Variants in CHN1 observed in about 807,000 individuals in gnomAD.
The protein encoded by CHN1 is chimerin 1, also known as N-chimaerin.
Under a neutral mutation model 59.5 loss-of-function variants are expected in CHN1, and 37 were observed. The ratio of observed to expected loss-of-function variants is 0.62; its 90% CI spans 0.48 to 0.82. CHN1 has a LOEUF of 0.82. Ranked by LOEUF, CHN1 falls within the 40% of genes least tolerant of loss-of-function variation. The pLI, the probability that CHN1 is intolerant of heterozygous loss-of-function variation, is 0.00. For synonymous variants in CHN1, 206 were observed against 200.4 expected (o/e 1.03, Z -0.24); for missense variants, 469 against 571.0 (o/e 0.82, Z 1.82).
At chr2:174,840,188 A>AGAT (rs1686246261) in intron 7 of CHN1, among the ~76,000 whole-genome samples, 1 of 33,628 alleles carries the variant, frequency 3.0e-5, no homozygotes, top group Non-Finnish European at 6.8e-5. Context: ...TTTTTTTTTG[A>AGAT]GATGGGGTCC....
chr2:174,934,608 G>A (rs1689443445), intron 3 of CHN1, among the ~76,000 whole-genome samples: 1 of 152,196 alleles, frequency 6.6e-6, no homozygotes, highest in South Asian at 2.1e-4. Context: ...GCAGTACAGG[G>A]AGCATTAAGT....
At chr2:174,916,199 CA>C (rs1688844031) in intron 4 of CHN1, among the ~76,000 whole-genome samples, 1 of 152,192 alleles carries the variant, frequency 6.6e-6, no homozygotes, top group Non-Finnish European at 1.5e-5. Flanking sequence ...AACTCTTTCA[CA>C]AACTATCATT....
At chr2:174,941,312 A>T (rs1020229503) in intron 3 of CHN1, among the ~76,000 whole-genome samples, 4 of 152,218 alleles carry the variant, frequency 2.6e-5, no homozygotes, top group African/African-American at 9.6e-5. Context: ...TTTGGAACCC[A>T]AAATCTAGTC....
At chr2:174,824,361 A>T (rs1419453566) in intron 8 of CHN1, 73 bp downstream of exon 8, 2 of 1,174,610 alleles carry the variant, frequency 1.7e-6, no homozygotes, top group East Asian at 2.6e-5. Flanking sequence ...ATGCATAACA[A>T]CAAGTCTCCT....
At chr2:174,935,991 G>C (rs1689485433) in intron 3 of CHN1, among the ~76,000 whole-genome samples, 1 of 152,006 alleles carries the variant, frequency 6.6e-6, no homozygotes, top group African/African-American at 2.4e-5. Flanking sequence ...TACATACTCA[G>C]TATTACTCTA....
chr2:174,827,653 A>G (rs1317470875), intron 7 of CHN1, among the ~76,000 whole-genome samples: 1 of 152,198 alleles, frequency 6.6e-6, no homozygotes, highest in African/African-American at 2.4e-5. Flanking sequence ...CAGACTAGGT[A>G]GGGTGGTGCT....
intron 5 of CHN1, among the ~76,000 whole-genome samples, chr2:174,899,001 T>C (rs1688304399): frequency 6.6e-6 from 1 of 152,118 alleles, no homozygotes; most frequent in South Asian, 2.1e-4. Flanking sequence ...GCTTAGAAAA[T>C]TCCAAGAAAA....
intron 5 of CHN1, among the ~76,000 whole-genome samples, chr2:174,886,749 G>A (rs919631757): frequency 2.0e-5 from 3 of 152,080 alleles, no homozygotes; most frequent in South Asian, 2.1e-4. Context: ...CCTAAATTTG[G>A]TCAAGTACAT....
At chr2:174,864,322 T>C (rs1180403170) in intron 6 of CHN1, among the ~76,000 whole-genome samples, 2 of 152,188 alleles carry the variant, frequency 1.3e-5, no homozygotes. Flanking sequence ...ACTTTGACAA[T>C]GAAATGCTAA....
In CHN1 at chr2:174,944,915, A is replaced by G. The variant is rs769230632; in HGVS notation, c.87T>C (p.His29=). ...CGCAAGTACAGGTAATTCTTCGAGG[A>G]TGAGGGGCTTCCTGTTGTAGCTGAT... The part of the protein sequence containing the change: ...YLYQLQQEAP[H]PRRITCTCEV... The change falls in exon 3 of 13, where the codon CAT becomes CAC. Residue 29 remains histidine (H), a synonymous_variant. Coordinates refer to ENST00000409900, the MANE Select transcript of CHN1 (RefSeq NM_001822.7). 20 of 1,582,352 alleles carry G rather than the reference A, an allele frequency of 1.3e-5. No individual in the cohort carries two copies. In the South Asian group the frequency reaches 2.0e-4, roughly 16 times the overall value.
intron 8 of CHN1, among the ~76,000 whole-genome samples, chr2:174,813,033 T>G (rs1194366288): frequency 6.6e-6 from 1 of 152,226 alleles, no homozygotes; most frequent in Non-Finnish European, 1.5e-5. Context: ...TTTATTGCTA[T>G]ACTATTACCG....
At chr2:174,816,694 A>G (rs1460187344) in intron 8 of CHN1, among the ~76,000 whole-genome samples, 1 of 152,088 alleles carries the variant, frequency 6.6e-6, no homozygotes, top group Non-Finnish European at 1.5e-5. Flanking sequence ...CCAACTTTTC[A>G]GAGTCTTCTG....
intron 12 of CHN1, among the ~76,000 whole-genome samples, chr2:174,801,415 T>C (rs1035820021): frequency 4.6e-5 from 7 of 152,338 alleles, no homozygotes; most frequent in African/African-American, 1.7e-4. Context: ...ACTCTATCTT[T>C]CCACAAAAAT....
intron 1 of CHN1, among the ~76,000 whole-genome samples, chr2:174,990,928 G>C (rs980792365): frequency 6.6e-6 from 1 of 152,058 alleles, no homozygotes; most frequent in Non-Finnish European, 1.5e-5. Context: ...TCATCTTATA[G>C]GAACAACTTA....
intron 1 of CHN1, among the ~76,000 whole-genome samples, chr2:174,955,192 ATATATATAATT>A (rs1558996619): frequency 6.9e-5 from 7 of 101,908 alleles, no homozygotes; most frequent in African/African-American, 2.6e-4. Context: ...ATCTATATAT[ATATATATAATT>A]GATATATATA....
chr2:174,927,638 G>A (rs1689216103), intron 3 of CHN1, among the ~76,000 whole-genome samples: 2 of 151,960 alleles, frequency 1.3e-5, no homozygotes, highest in South Asian at 4.1e-4. Context: ...GTTCAAGACA[G>A]TAGTCCAAAA....
At chr2:174,815,589 C>CTTT (rs5836474) in intron 8 of CHN1, among the ~76,000 whole-genome samples, 1 of 127,568 alleles carries the variant, frequency 7.8e-6, no homozygotes, top group South Asian at 2.6e-4. Flanking sequence ...CGGATATTTC[C>CTTT]TTTTTTTTTT....
chr2:174,945,059 T>A (rs1689784790), intron 2 of CHN1, 116 bp from the exon 3 acceptor site: 1 of 704,738 alleles, frequency 1.4e-6, no homozygotes, highest in East Asian at 2.8e-5. Flanking sequence ...ATAACCTTAT[T>A]TACTAAATTG....
chr2:174,952,987 C>T (rs1690071964), intron 1 of CHN1, among the ~76,000 whole-genome samples: 1 of 152,200 alleles, frequency 6.6e-6, no homozygotes, highest in Non-Finnish European at 1.5e-5. Context: ...ATCAGTAAAG[C>T]ATAGCTGGGG....
Sources: gnomAD v4.1 joint callset for allele counts (sites outside exome capture counted in the v4.1 genomes callset) on GRCh38, gnomAD v4.1.1 for gene constraint, MANE v1.5 for transcripts, NCBI Gene and HGNC (gene_info 2026-07-23, HGNC 2026-07-21) for gene names.